Variants in NELL1 observed in about 807,000 individuals in gnomAD.
NELL1 encodes the protein protein kinase C-binding protein NELL1.
NELL1 carries 76 observed loss-of-function variants against 107.4 expected under a neutral mutation model. The ratio of observed to expected loss-of-function variants is 0.71; its 90% CI spans 0.59 to 0.86. NELL1 has a LOEUF of 0.86. Ranked by LOEUF, NELL1 falls within the 40% of genes least tolerant of loss-of-function variation. The pLI, the probability that NELL1 is intolerant of heterozygous loss-of-function variation, is 0.00. For synonymous variants in NELL1, 353 were observed against 341.2 expected (o/e 1.03, Z -0.38); for missense variants, 1,024 against 1,005.5 (o/e 1.02, Z -0.25).
chr11:20,854,198 T>C (rs556546817), intron 4 of NELL1, among the ~76,000 whole-genome samples: 1 of 152,282 alleles, frequency 6.6e-6, no homozygotes, highest in Non-Finnish European at 1.5e-5. Context: ...AGCTCAAAAA[T>C]TCTCTTGACT....
chr11:20,902,264 C>T (rs1350167316), intron 5 of NELL1, among the ~76,000 whole-genome samples: 1 of 149,456 alleles, frequency 6.7e-6, no homozygotes, highest in Non-Finnish European at 1.5e-5. Flanking sequence ...TGCTGCAAAT[C>T]AATAAGAAAC....
intron 12 of NELL1, among the ~76,000 whole-genome samples, chr11:21,001,346 G>A (rs932591100): frequency 8.1e-5 from 12 of 147,474 alleles, no homozygotes; most frequent in East Asian, 4.2e-4. Flanking sequence ...TCTGTCTTCC[G>A]CTTAAGCCTA....
chr11:21,301,014 C>T (rs371935634), intron 14 of NELL1, among the ~76,000 whole-genome samples: 17 of 152,032 alleles, frequency 1.1e-4, no homozygotes, highest in Non-Finnish European at 1.9e-4. Context: ...TCTGTCCTTG[C>T]GATAGTTTGC....
chr11:20,895,424 C>T (rs1378635834), intron 5 of NELL1, among the ~76,000 whole-genome samples: 1 of 150,538 alleles, frequency 6.6e-6, no homozygotes, highest in African/African-American at 2.4e-5. Context: ...TCTGTCTTTC[C>T]GCTCTCTATC....
At position 21,300,086 on chromosome 11, in the gene NELL1, A is replaced by G. The variant is rs190896755; in HGVS notation, c.1549+70632A>G. ...TTCTAAGTGCTAGGAAGAAAGGAAA[A>G]CAAAACAAAACAAAACAGCTGTTGT... is the stretch of plus-strand genomic sequence containing the variant. On this transcript the variant is annotated intron_variant, in intron 14 of 19. Coordinates refer to ENST00000357134, the MANE Select transcript of NELL1 (RefSeq NM_006157.5). Among the ~76,000 whole-genome samples, 309 of 152,092 alleles carry G rather than the reference A, an allele frequency of 2.0e-3. 2 individuals are homozygous for G. The highest frequency in any genetic ancestry group is 7.0e-3 in the African/African-American group (292 of 41,528).
intron 2 of NELL1, among the ~76,000 whole-genome samples, chr11:20,755,559 T>TATTTTTTTTTTTTTTTA (rs1554914196): frequency 6.2e-4 from 11 of 17,684 alleles, no homozygotes; most frequent in African/African-American, 1.0e-3. Context: ...TGTTTTTGTT[T>TATTTTTTTTTTTTTTTA]TTGTTTTTTT....
At chr11:21,433,294 G>A (rs187289962) in intron 15 of NELL1, among the ~76,000 whole-genome samples, 4 of 152,284 alleles carry the variant, frequency 2.6e-5, no homozygotes, top group Admixed American at 2.0e-4. Context: ...GGCATGTGGG[G>A]TTATTACGTA....
At chr11:21,282,562 A>G (rs1488912825) in intron 14 of NELL1, among the ~76,000 whole-genome samples, 1 of 152,118 alleles carries the variant, frequency 6.6e-6, no homozygotes, top group African/African-American at 2.4e-5. Context: ...GGAACACCCA[A>G]CACTGTTGGT....
At chr11:21,442,239 C>T (rs1376936393) in intron 15 of NELL1, among the ~76,000 whole-genome samples, 2 of 152,016 alleles carry the variant, frequency 1.3e-5, no homozygotes, top group Non-Finnish European at 2.9e-5. Context: ...AGATTAGCAA[C>T]CTCAGTTGCC....
At chr11:21,432,991 A>C (rs1590928387) in intron 15 of NELL1, among the ~76,000 whole-genome samples, 1 of 152,140 alleles carries the variant, frequency 6.6e-6, no homozygotes, top group Non-Finnish European at 1.5e-5. Context: ...GCATTCATTA[A>C]CCAACCTCTG....
intron 2 of NELL1, among the ~76,000 whole-genome samples, chr11:20,711,185 A>T (rs552028004): frequency 4.6e-4 from 70 of 152,116 alleles, no homozygotes; most frequent in African/African-American, 1.6e-3. Context: ...TCCTCCTAGA[A>T]CCACTTTTGC....
At chr11:21,025,604 T>A (rs933632357) in intron 12 of NELL1, among the ~76,000 whole-genome samples, 11 of 152,082 alleles carry the variant, frequency 7.2e-5, no homozygotes, top group Admixed American at 6.6e-5. Context: ...GTTCTAAACA[T>A]TAAAATGTCC....
At chr11:21,537,318 T>G (rs911490850) in intron 16 of NELL1, among the ~76,000 whole-genome samples, 1 of 152,268 alleles carries the variant, frequency 6.6e-6, no homozygotes, top group South Asian at 2.1e-4. Context: ...TGGTTTTAGA[T>G]GATATTGTTC....
intron 14 of NELL1, among the ~76,000 whole-genome samples, chr11:21,313,841 C>T (rs1211145636): frequency 6.6e-6 from 1 of 152,060 alleles, no homozygotes; most frequent in Non-Finnish European, 1.5e-5. Context: ...ATTGTAATCC[C>T]TAGTATTGGA....
At chr11:20,776,752 C>T (rs1413693689) in intron 2 of NELL1, among the ~76,000 whole-genome samples, 11 of 151,844 alleles carry the variant, frequency 7.2e-5, no homozygotes, top group South Asian at 4.2e-4. Flanking sequence ...TGCTAGAATG[C>T]GGGAGTGTGG....
chr11:20,705,749 T>C (rs1267868520), intron 2 of NELL1, among the ~76,000 whole-genome samples: 1 of 147,886 alleles, frequency 6.8e-6, no homozygotes, highest in African/African-American at 2.5e-5. Context: ...TGGGAGAAAA[T>C]TTTTGCAACC....
intron 13 of NELL1, among the ~76,000 whole-genome samples, chr11:21,181,202 T>C (rs1856819579): frequency 6.6e-6 from 1 of 151,840 alleles, no homozygotes; most frequent in Non-Finnish European, 1.5e-5. Context: ...GAGTAATACA[T>C]TTATATTGTA....
rs1348305544 is a variant in NELL1 at position 21,535,165 on chromosome 11, G to A, written c.1786+651G>A. On this transcript the variant is annotated intron_variant, in intron 16 of 19. Coordinates refer to ENST00000357134, the MANE Select transcript of NELL1 (RefSeq NM_006157.5). ...TGTGGTTCTGTTAAATACTGAACAC[G>A]GGAAATTAGCAGATGGAGTTATTCA... Among the ~76,000 whole-genome samples, 4 of 152,100 alleles carry A rather than the reference G, an allele frequency of 2.6e-5. No homozygotes were observed. In the East Asian group the frequency reaches 7.7e-4, roughly 29 times the overall value.
intron 15 of NELL1, among the ~76,000 whole-genome samples, chr11:21,453,473 T>C (rs1853639094): frequency 6.6e-6 from 1 of 152,174 alleles, no homozygotes; most frequent in Non-Finnish European, 1.5e-5. Context: ...TCTGCTATTT[T>C]TAGTATACAT....
Sources: gnomAD v4.1 joint callset for allele counts (sites outside exome capture counted in the v4.1 genomes callset) on GRCh38, gnomAD v4.1.1 for gene constraint, MANE v1.5 for transcripts, NCBI Gene and HGNC (gene_info 2026-07-23, HGNC 2026-07-21) for gene names.